Variants in BBS9 observed in about 807,000 individuals in gnomAD.
BBS9 encodes Bardet-Biedl syndrome 9, also known as protein PTHB1.
In BBS9, 89 loss-of-function variants were observed where a neutral mutation model predicts 117.7. That is an observed-to-expected ratio of 0.76 (90% CI 0.64 to 0.90). The LOEUF (loss-of-function observed/expected upper bound fraction) is 0.90. Among genes scored for constraint, BBS9 ranks in the 40% least tolerant of loss-of-function variants. BBS9 has a pLI of 0.00. For missense variants in BBS9, 982 were observed against 1,042.2 expected, an observed-to-expected ratio of 0.94 and a Z score of 0.80; for synonymous variants, 379 against 370.9, an observed-to-expected ratio of 1.02 and a Z score of -0.25.
chr7:33,278,341 G>T (rs184664119), intron 9 of BBS9, among the ~76,000 whole-genome samples: 2 of 152,284 alleles, frequency 1.3e-5, no homozygotes, highest in East Asian at 3.9e-4. Context: ...TGTATTCATA[G>T]GTGCCTGATT....
At chr7:33,351,537 C>G (rs1818653052) in intron 14 of BBS9, 1 of 557,246 alleles carries the variant, frequency 1.8e-6, no homozygotes, top group Non-Finnish European at 3.2e-6. Flanking sequence ...TGTTTGGTTC[C>G]CTCTTTTCAG....
chr7:33,451,542 C>T (rs1300330076), intron 19 of BBS9, among the ~76,000 whole-genome samples: 2 of 152,022 alleles, frequency 1.3e-5, no homozygotes, highest in Non-Finnish European at 2.9e-5. Flanking sequence ...CTGTTCTGTC[C>T]CATTGGTCTA....
At chr7:33,224,742 T>C (rs1790923811) in intron 5 of BBS9, among the ~76,000 whole-genome samples, 1 of 152,192 alleles carries the variant, frequency 6.6e-6, no homozygotes. Context: ...ACATTTACTG[T>C]AAATTTGTAG....
intron 19 of BBS9, among the ~76,000 whole-genome samples, chr7:33,411,376 G>A (rs1449534638): frequency 6.6e-6 from 1 of 152,032 alleles, no homozygotes; most frequent in African/African-American, 2.4e-5. Context: ...CAACACTCTT[G>A]CTTGTCCACA....
chr7:33,560,634 C>G (rs1315643716), intron 21 of BBS9, among the ~76,000 whole-genome samples: 2 of 152,156 alleles, frequency 1.3e-5, no homozygotes, highest in Non-Finnish European at 2.9e-5. Flanking sequence ...TGGTCTGTCT[C>G]ATTAAATAAA....
In BBS9 at chr7:33,384,284, C is replaced by A. The variant is rs181886428; in HGVS notation, c.1962+446C>A. Among the ~76,000 whole-genome samples the A allele has an allele frequency of 7.2e-5, 11 of 152,312 alleles. No individual in the cohort carries two copies. The East Asian group carries it at 7.7e-4, about 11-fold the overall frequency. On this transcript the variant is annotated intron_variant, in intron 18 of 22. Coordinates refer to ENST00000242067, the MANE Select transcript of BBS9 (RefSeq NM_198428.3). ...AATGAGGGTTAACACTTAAAATATT[C>A]CCCAGTATCTGGCACAGTGGGTGCT...
At chr7:33,166,901 C>T (rs902522886) in intron 4 of BBS9, among the ~76,000 whole-genome samples, 3 of 152,184 alleles carry the variant, frequency 2.0e-5, no homozygotes, top group African/African-American at 4.8e-5. Context: ...ACTGTCCAAC[C>T]AGTCCCAATG....
At chr7:33,447,475 C>T (rs1317843015) in intron 19 of BBS9, among the ~76,000 whole-genome samples, 1 of 152,170 alleles carries the variant, frequency 6.6e-6, no homozygotes, top group Non-Finnish European at 1.5e-5. Flanking sequence ...TTTGAATAGG[C>T]TTTGAATATT....
Position 33,504,616 on chromosome 7 carries a change from A to G in BBS9, c.2116-847A>G, listed in dbSNP as rs188982207. On this transcript the variant is annotated intron_variant, in intron 19 of 22. Coordinates refer to ENST00000242067, the MANE Select transcript of BBS9 (RefSeq NM_198428.3). Reference sequence around the variant, plus strand: ...CTAATGCTGTTCTGGGGACTGTCAGACGCCTTGAGCCTCTGCGGCAGTCAG... The same window carrying G: ...CTAATGCTGTTCTGGGGACTGTCAGGCGCCTTGAGCCTCTGCGGCAGTCAG... Among the ~76,000 whole-genome samples the G allele has an allele frequency of 2.0e-5, 3 of 152,242 alleles. No homozygotes were observed. In the East Asian group the frequency reaches 5.8e-4, roughly 29 times the overall value.
At chr7:33,219,854 C>T (rs928058934) in intron 5 of BBS9, among the ~76,000 whole-genome samples, 24 of 152,262 alleles carry the variant, frequency 1.6e-4, no homozygotes, top group Middle Eastern at 3.4e-3. Context: ...TTTGTTCTTT[C>T]GCTCTTTGCA....
At chr7:33,603,507 C>G (rs1864114115) in intron 21 of BBS9, among the ~76,000 whole-genome samples, 1 of 152,080 alleles carries the variant, frequency 6.6e-6, no homozygotes, top group Admixed American at 6.5e-5. Context: ...CCTCAGTTTT[C>G]TTATAAAATG....
intron 19 of BBS9, among the ~76,000 whole-genome samples, chr7:33,490,647 A>G (rs1843767857): frequency 6.6e-6 from 1 of 152,210 alleles, no homozygotes; most frequent in Non-Finnish European, 1.5e-5. Context: ...TGCAGCACCT[A>G]ACACTCCAGT....
chr7:33,355,560 T>G (rs1263273315), intron 15 of BBS9, among the ~76,000 whole-genome samples: 1 of 151,926 alleles, frequency 6.6e-6, no homozygotes, highest in Admixed American at 6.6e-5. Flanking sequence ...GTCATCATTT[T>G]TCAAAGTAAT....
chr7:33,544,594 G>A (rs960226904), intron 21 of BBS9, among the ~76,000 whole-genome samples: 3 of 152,182 alleles, frequency 2.0e-5, no homozygotes, highest in African/African-American at 7.2e-5. Flanking sequence ...TCTGGTGGAG[G>A]TGGTGGAGAG....
At chr7:33,141,282 C>T (rs758253892) in intron 1 of BBS9, among the ~76,000 whole-genome samples, 1 of 152,042 alleles carries the variant, frequency 6.6e-6, no homozygotes, top group Admixed American at 6.6e-5. Context: ...ATTAGCTGGG[C>T]GTGTTGGCAG....
chr7:33,233,874 C>T (rs1241810876), intron 5 of BBS9, among the ~76,000 whole-genome samples: 1 of 152,124 alleles, frequency 6.6e-6, no homozygotes, highest in African/African-American at 2.4e-5. Context: ...CCCTCATATC[C>T]ACAGTTTCAC....
At chr7:33,414,198 C>A (rs1404476365) in intron 19 of BBS9, among the ~76,000 whole-genome samples, 1 of 152,040 alleles carries the variant, frequency 6.6e-6, no homozygotes, top group Non-Finnish European at 1.5e-5. Flanking sequence ...TCCCTTCAGG[C>A]CTACACATAT....
chr7:33,598,679 T>A (rs1220710729), intron 21 of BBS9, among the ~76,000 whole-genome samples: 1 of 152,134 alleles, frequency 6.6e-6, no homozygotes, highest in African/African-American at 2.4e-5. Context: ...TAGAGAAAAA[T>A]TTTTTTACCG....
intron 21 of BBS9, among the ~76,000 whole-genome samples, chr7:33,624,996 A>G (rs973286425): frequency 1.3e-5 from 2 of 152,172 alleles, no homozygotes; most frequent in Non-Finnish European, 2.9e-5. Context: ...CTCTCAGTAG[A>G]TGTGTCTGCT....
Sources: gnomAD v4.1 joint callset for allele counts (sites outside exome capture counted in the v4.1 genomes callset) on GRCh38, gnomAD v4.1.1 for gene constraint, MANE v1.5 for transcripts, NCBI Gene and HGNC (gene_info 2026-07-23, HGNC 2026-07-21) for gene names.